CDH12: variants seen among roughly 807,000 people sequenced by gnomAD.
CDH12 encodes cadherin-12.
In CDH12, 41 loss-of-function variants were observed where a neutral mutation model predicts 74.1. That is an observed-to-expected ratio of 0.55 (90% CI 0.43 to 0.72). The LOEUF is 0.72. Ranked by LOEUF, CDH12 falls within the 30% of genes least tolerant of loss-of-function variation. The pLI is 0.00. For missense variants in CDH12, 945 were observed against 977.2 expected, an observed-to-expected ratio of 0.97 and a Z score of 0.44; for synonymous variants, 399 against 355.0, an observed-to-expected ratio of 1.12 and a Z score of -1.39.
At chr5:22,124,220 A>G (rs899620118) in intron 4 of CDH12, among the ~76,000 whole-genome samples, 1 of 152,020 alleles carries the variant, frequency 6.6e-6, no homozygotes, top group Non-Finnish European at 1.5e-5. Context: ...CAGTGGCAGG[A>G]TCTTGGCTCA....
chr5:22,377,209 C>G (rs899874690), intron 3 of CDH12, among the ~76,000 whole-genome samples: 5 of 152,152 alleles, frequency 3.3e-5, no homozygotes, highest in African/African-American at 1.2e-4. Flanking sequence ...TCCTACAGTT[C>G]TTCCATCCAC....
chr5:21,794,069 G>T (rs1255753541), intron 10 of CDH12, among the ~76,000 whole-genome samples: 1 of 151,436 alleles, frequency 6.6e-6, no homozygotes, highest in Non-Finnish European at 1.5e-5. Flanking sequence ...GCATGTATAT[G>T]TATGTGGATA....
intron 2 of CDH12, among the ~76,000 whole-genome samples, chr5:22,447,984 T>TAA (rs1744889730): frequency 5.4e-5 from 1 of 18,636 alleles, no homozygotes; most frequent in African/African-American, 2.7e-4. Context: ...CTACAAGAAA[T>TAA]TAAAAAAAAA....
intron 5 of CDH12, among the ~76,000 whole-genome samples, chr5:22,053,005 C>T (rs2150196069): frequency 6.6e-6 from 1 of 151,604 alleles, no homozygotes; most frequent in Non-Finnish European, 1.5e-5. Context: ...ATCTCTAATA[C>T]ACTTACTTAT....
intron 2 of CDH12, among the ~76,000 whole-genome samples, chr5:22,471,554 A>G (rs914059438): frequency 6.6e-6 from 1 of 152,174 alleles, no homozygotes; most frequent in Non-Finnish European, 1.5e-5. Flanking sequence ...TTGTTTCAAC[A>G]TTTGATAAAA....
At chr5:21,804,160 G>A (rs80034436) in intron 9 of CDH12, among the ~76,000 whole-genome samples, 1,907 of 151,782 alleles carry the variant, frequency 0.013, 42 homozygotes, top group African/African-American at 0.044. Flanking sequence ...TTATAATATT[G>A]ATTTCCTTTC....
chr5:22,176,999 C>A (rs1288442632), intron 4 of CDH12, among the ~76,000 whole-genome samples: 3 of 152,108 alleles, frequency 2.0e-5, no homozygotes, highest in Non-Finnish European at 2.9e-5. Flanking sequence ...CAGGCATATG[C>A]TCATATCTGC....
intron 10 of CDH12, among the ~76,000 whole-genome samples, chr5:21,789,311 C>T (rs771113201): frequency 5.3e-5 from 8 of 151,996 alleles, no homozygotes; most frequent in Admixed American, 1.3e-4. Flanking sequence ...GAAAGAGAAA[C>T]CATGTCTTTT....
intron 5 of CDH12, among the ~76,000 whole-genome samples, chr5:22,047,349 C>T (rs1404299965): frequency 6.6e-6 from 1 of 152,084 alleles, no homozygotes; most frequent in Non-Finnish European, 1.5e-5. Flanking sequence ...GGTACCAGAT[C>T]TTTTTGTTTA....
chr5:21,889,813 A>G (rs979582532), intron 6 of CDH12: 4 of 985,206 alleles, frequency 4.1e-6, no homozygotes, highest in East Asian at 1.1e-4. Context: ...AATATAGATG[A>G]TGAAGAACAG....
At chr5:22,362,477 T>C (rs1031277523) in intron 3 of CDH12, among the ~76,000 whole-genome samples, 5 of 152,164 alleles carry the variant, frequency 3.3e-5, no homozygotes, top group African/African-American at 1.2e-4. Flanking sequence ...TTTTACACTG[T>C]TGGTGGGACT....
chr5:22,634,425 A>G (rs1251342404), intron 1 of CDH12, among the ~76,000 whole-genome samples: 1 of 152,170 alleles, frequency 6.6e-6, no homozygotes, highest in Non-Finnish European at 1.5e-5. Flanking sequence ...CCAAAAGAGC[A>G]AAAGAGTAAT....
intron 3 of CDH12, among the ~76,000 whole-genome samples, chr5:22,296,224 A>G (rs538286546): frequency 1.4e-4 from 21 of 152,158 alleles, no homozygotes; most frequent in African/African-American, 5.1e-4. Flanking sequence ...TAGCAGTAGG[A>G]AAATGTCAAA....
At chr5:22,026,036 C>T (rs1014140473) in intron 5 of CDH12, among the ~76,000 whole-genome samples, 1 of 152,138 alleles carries the variant, frequency 6.6e-6, no homozygotes, top group African/African-American at 2.4e-5. Context: ...GAATCAATCT[C>T]CCCCAAATTC....
chr5:22,747,203 T>A (rs530389932), intron 1 of CDH12, among the ~76,000 whole-genome samples: 1 of 152,280 alleles, frequency 6.6e-6, no homozygotes, highest in East Asian at 1.9e-4. Context: ...ACTTATTATA[T>A]GTTTATTTTA....
chr5:22,523,916 A>G (rs1439987315), intron 1 of CDH12, among the ~76,000 whole-genome samples: 2 of 152,022 alleles, frequency 1.3e-5, no homozygotes, highest in Non-Finnish European at 2.9e-5. Context: ...CCACTGTCCA[A>G]ATTCTCAAAT....
intron 4 of CDH12, among the ~76,000 whole-genome samples, chr5:22,194,308 C>CTTTTTTTTTTTTTTTT (rs59899245): frequency 1.4e-4 from 19 of 139,840 alleles, no homozygotes; most frequent in East Asian, 6.5e-4. Context: ...CTTTTTCTTT[C>CTTTTTTTTTTTTTTTT]TTTTTTTTTT....
chr5:21,822,996 G>A (rs1748456923), intron 8 of CDH12, among the ~76,000 whole-genome samples: 1 of 151,984 alleles, frequency 6.6e-6, no homozygotes, highest in Non-Finnish European at 1.5e-5. Context: ...TTGCATAGTA[G>A]ATTAATTGCT....
chr5:22,574,386 CTTTA>C (rs796208517), intron 1 of CDH12, among the ~76,000 whole-genome samples: 4 of 152,044 alleles, frequency 2.6e-5, no homozygotes, highest in African/African-American at 9.6e-5. Context: ...TTGTCTATTC[CTTTA>C]TTTTTTTCCA....
Sources: allele counts gnomAD v4.1 joint callset (sites outside exome capture counted in the v4.1 genomes callset), GRCh38; gene constraint gnomAD v4.1.1; transcripts MANE v1.5; gene names NCBI Gene and HGNC (gene_info 2026-07-23, HGNC 2026-07-21).